The following HCN1 variants were observed in gnomAD, a reference collection of about 807,000 sequenced individuals.
The protein encoded by HCN1 is potassium/sodium hyperpolarization-activated cyclic nucleotide-gated channel 1.
A neutral mutation model predicts 78.9 loss-of-function variants in HCN1; 13 were observed. The ratio of observed to expected loss-of-function variants is 0.16; its 90% CI spans 0.11 to 0.26. The LOEUF (loss-of-function observed/expected upper bound fraction) is 0.26. Ranked by LOEUF, HCN1 falls within the 10% of genes least tolerant of loss-of-function variation. The pLI is 1.00. For synonymous variants in HCN1, 552 were observed against 455.5 expected, an observed-to-expected ratio of 1.21 and a Z score of -2.70; for missense variants, 810 against 1,154.3, an observed-to-expected ratio of 0.70 and a Z score of 4.32.
At chr5:45,661,027 A>G (rs1366510615) in intron 1 of HCN1, among the ~76,000 whole-genome samples, 22 of 112,346 alleles carry the variant, frequency 2.0e-4, no homozygotes, top group Middle Eastern at 4.0e-3. Context: ...CACCACACCT[A>G]TTCCAAAATT....
chr5:45,686,878 G>A (rs563911678), intron 1 of HCN1, among the ~76,000 whole-genome samples: 6 of 152,050 alleles, frequency 3.9e-5, no homozygotes, highest in Non-Finnish European at 8.8e-5. Flanking sequence ...GGGACTTCAG[G>A]TTTCTCTGTG....
chr5:45,650,568 ATT>A (rs1175309937), intron 1 of HCN1, among the ~76,000 whole-genome samples: 1 of 152,022 alleles, frequency 6.6e-6, no homozygotes, highest in African/African-American at 2.4e-5. Context: ...CTAGGTAACT[ATT>A]TTACCTTTTT....
At chr5:45,619,272 A>G (rs1467529303) in intron 2 of HCN1, among the ~76,000 whole-genome samples, 2 of 152,060 alleles carry the variant, frequency 1.3e-5, no homozygotes, top group Non-Finnish European at 2.9e-5. Flanking sequence ...CCTGGTAGCA[A>G]TGAGCGTATC....
At chr5:45,491,835 G>A (rs1478747026) in intron 2 of HCN1, among the ~76,000 whole-genome samples, 1 of 152,144 alleles carries the variant, frequency 6.6e-6, no homozygotes, top group Non-Finnish European at 1.5e-5. Flanking sequence ...AAGAAGGTAA[G>A]GAAGTGGTGA....
chr5:45,487,123 C>T (rs1035825187), intron 2 of HCN1, among the ~76,000 whole-genome samples: 1 of 152,180 alleles, frequency 6.6e-6, no homozygotes, highest in East Asian at 1.9e-4. Context: ...GTCCTCTGTA[C>T]CTAATGCCAA....
intron 4 of HCN1, among the ~76,000 whole-genome samples, chr5:45,368,743 G>A (rs1050374732): frequency 3.3e-5 from 5 of 152,046 alleles, no homozygotes; most frequent in East Asian, 1.9e-4. Flanking sequence ...AGTTTCTACC[G>A]GGAGCTGGGG....
At chr5:45,484,780 A>G (rs984968306) in intron 2 of HCN1, among the ~76,000 whole-genome samples, 1 of 152,198 alleles carries the variant, frequency 6.6e-6, no homozygotes, top group Non-Finnish European at 1.5e-5. Context: ...TTATTAAGTT[A>G]TTAATTTTAA....
intron 2 of HCN1, among the ~76,000 whole-genome samples, chr5:45,506,106 AT>A (rs1461401126): frequency 1.3e-5 from 2 of 152,212 alleles, no homozygotes; most frequent in African/African-American, 4.8e-5. Context: ...GATAACTGTA[AT>A]TCACAATAAA....
chr5:45,641,189 T>C (rs1372815087), intron 2 of HCN1, among the ~76,000 whole-genome samples: 1 of 152,192 alleles, frequency 6.6e-6, no homozygotes, highest in Admixed American at 6.5e-5. Flanking sequence ...AATTAGAATA[T>C]GTATTGTATA....
At chr5:45,506,406 A>G (rs776033859) in intron 2 of HCN1, among the ~76,000 whole-genome samples, 16 of 152,138 alleles carry the variant, frequency 1.1e-4, no homozygotes, top group Non-Finnish European at 2.2e-4. Context: ...TTTGGTCTTC[A>G]ATTTAAAATT....
At chr5:45,353,629 A>G (rs1746954768) in intron 4 of HCN1, among the ~76,000 whole-genome samples, 1 of 152,018 alleles carries the variant, frequency 6.6e-6, no homozygotes, top group Admixed American at 6.6e-5. Context: ...TTTAAGAAAA[A>G]TCTCATACCT....
intron 1 of HCN1, among the ~76,000 whole-genome samples, chr5:45,694,555 T>C (rs1269467917): frequency 1.3e-5 from 2 of 152,216 alleles, no homozygotes; most frequent in Non-Finnish European, 2.9e-5. Flanking sequence ...ATTTATCCTA[T>C]AAAGAATACT....
At chr5:45,318,656 C>A (rs187950828) in intron 5 of HCN1, among the ~76,000 whole-genome samples, 1 of 151,894 alleles carries the variant, frequency 6.6e-6, no homozygotes, top group East Asian at 1.9e-4. Context: ...CATTATTTTG[C>A]TAAAATATGA....
chr5:45,681,333 T>C (rs1346002424), intron 1 of HCN1, among the ~76,000 whole-genome samples: 1 of 152,204 alleles, frequency 6.6e-6, no homozygotes, highest in Non-Finnish European at 1.5e-5. Context: ...GTTTGGATTT[T>C]GATCTTGCTC....
chr5:45,631,131 A>G (rs957063730), intron 2 of HCN1, among the ~76,000 whole-genome samples: 3 of 152,156 alleles, frequency 2.0e-5, no homozygotes, highest in African/African-American at 7.2e-5. Flanking sequence ...AATATAAGTT[A>G]GTCACAGGCC....
intron 3 of HCN1, among the ~76,000 whole-genome samples, chr5:45,428,772 A>T (rs900708428): frequency 6.6e-6 from 1 of 152,164 alleles, no homozygotes; most frequent in Non-Finnish European, 1.5e-5. Flanking sequence ...AATGAGTAAC[A>T]GTCCACTGAA....
intron 2 of HCN1, chr5:45,480,142 A>T (rs923605498): frequency 3.9e-5 from 6 of 152,558 alleles, no homozygotes; most frequent in Non-Finnish European, 7.4e-5. Context: ...TGGTTTATAC[A>T]TTTCCACATT....
chr5:45,412,002 T>A (rs1740033766), intron 3 of HCN1, among the ~76,000 whole-genome samples: 1 of 152,104 alleles, frequency 6.6e-6, no homozygotes, highest in South Asian at 2.1e-4. Context: ...AGACAGATCA[T>A]AAAGGTGTCT....
At chr5:45,623,946 A>C (rs751727504) in intron 2 of HCN1, among the ~76,000 whole-genome samples, 7 of 152,204 alleles carry the variant, frequency 4.6e-5, no homozygotes, top group Non-Finnish European at 8.8e-5. Context: ...AAAGATGAGA[A>C]GATACCTGGT....
Sources: gnomAD v4.1 joint callset for allele counts (sites outside exome capture counted in the v4.1 genomes callset) on GRCh38, gnomAD v4.1.1 for gene constraint, MANE v1.5 for transcripts, NCBI Gene and HGNC (gene_info 2026-07-23, HGNC 2026-07-21) for gene names.